The following COBL variants were observed in gnomAD, a reference collection of about 807,000 sequenced individuals.
COBL encodes the protein cordon-bleu WH2 repeat protein.
In COBL, 51 loss-of-function variants were observed where a neutral mutation model predicts 98.8. The observed-to-expected ratio is 0.52, with a 90% confidence interval of 0.41 to 0.65. The LOEUF is 0.65. Ranked by LOEUF, COBL falls within the 30% of genes least tolerant of loss-of-function variation. The pLI is 0.00. For synonymous variants in COBL, 634 were observed against 651.7 expected, an observed-to-expected ratio of 0.97 and a Z score of 0.41; for missense variants, 1,617 against 1,617.5, an observed-to-expected ratio of 1.00 and a Z score of 0.01.
chr7:51,267,482 A>T (rs902401811), intron 1 of COBL, among the ~76,000 whole-genome samples: 13 of 150,794 alleles, frequency 8.6e-5, no homozygotes, highest in African/African-American at 1.5e-4. Context: ...TTGTATTTTT[A>T]TATATATATA....
At chr7:51,060,834 G>A (rs757843081) in intron 7 of COBL, among the ~76,000 whole-genome samples, 2 of 152,104 alleles carry the variant, frequency 1.3e-5, no homozygotes, top group Non-Finnish European at 2.9e-5. Flanking sequence ...AGGCTTTTGA[G>A]TCAACAGGCG....
At chr7:51,102,444 C>T (rs1234689973) in intron 6 of COBL, among the ~76,000 whole-genome samples, 1 of 152,158 alleles carries the variant, frequency 6.6e-6, no homozygotes, top group Non-Finnish European at 1.5e-5. Context: ...CTCTCACCAC[C>T]AGACACAGCC....
chr7:51,085,080 GCCA>G (rs1794069947), intron 7 of COBL, 83 bp downstream of exon 7: 11 of 1,590,472 alleles, frequency 6.9e-6, no homozygotes, highest in Non-Finnish European at 9.4e-6. Context: ...TATGGATGAG[GCCA>G]CTGCAGGAGT....
chr7:51,225,332 T>C (rs1794080380), intron 1 of COBL, among the ~76,000 whole-genome samples: 1 of 152,222 alleles, frequency 6.6e-6, no homozygotes, highest in Admixed American at 6.5e-5. Context: ...CTCAGATGCA[T>C]GTGGCAGTTT....
At chr7:51,273,500 T>A (rs1252648039) in intron 1 of COBL, among the ~76,000 whole-genome samples, 4 of 152,148 alleles carry the variant, frequency 2.6e-5, no homozygotes, top group South Asian at 2.1e-4. Context: ...CAAACCCATA[T>A]CTGCAGTGAC....
chr7:51,122,604 A>G (rs1460681196), intron 6 of COBL, among the ~76,000 whole-genome samples: 1 of 152,254 alleles, frequency 6.6e-6, no homozygotes, highest in Admixed American at 6.5e-5. Flanking sequence ...ATGCATTAGT[A>G]TCAATTCAGT....
intron 6 of COBL, among the ~76,000 whole-genome samples, chr7:51,128,623 C>T (rs748531504): frequency 8.5e-5 from 13 of 152,340 alleles, no homozygotes; most frequent in East Asian, 5.8e-4. Context: ...GAAGCTCGGC[C>T]GCTCACTGTG....
At chr7:51,059,880 T>C (rs989818877) in intron 7 of COBL, among the ~76,000 whole-genome samples, 1 of 152,154 alleles carries the variant, frequency 6.6e-6, no homozygotes, top group Non-Finnish European at 1.5e-5. Flanking sequence ...CGTGGCCTGT[T>C]TTTTGCTAAC....
chr7:51,159,132 CCGCGCGCACCTGGCGGCCG>C (rs1301846923), intron 5 of COBL, among the ~76,000 whole-genome samples: 1 of 152,136 alleles, frequency 6.6e-6, no homozygotes, highest in Non-Finnish European at 1.5e-5. Context: ...CAGCCCCCGG[CCGCGCGCACCTGGCGGCCG>C]CGCGCGCTGC....
chr7:51,190,182 G>C (rs1208746433), intron 4 of COBL, among the ~76,000 whole-genome samples: 1 of 152,148 alleles, frequency 6.6e-6, no homozygotes, highest in Non-Finnish European at 1.5e-5. Context: ...GGGAACAGCA[G>C]TTAATGGCAA....
intron 1 of COBL, among the ~76,000 whole-genome samples, chr7:51,268,476 G>A (rs1351419742): frequency 6.6e-6 from 1 of 152,066 alleles, no homozygotes; most frequent in Non-Finnish European, 1.5e-5. Context: ...CACCCTTCCT[G>A]CAACGCAGAT....
intron 1 of COBL, among the ~76,000 whole-genome samples, chr7:51,312,046 G>A (rs564727555): frequency 2.6e-4 from 40 of 152,134 alleles, no homozygotes; most frequent in African/African-American, 8.7e-4. Context: ...GACCTCAGCC[G>A]GGGGCAGTGG....
intron 1 of COBL, 62 bp downstream of exon 1, chr7:51,316,531 A>G: frequency 8.7e-7 from 1 of 1,153,870 alleles, no homozygotes. Flanking sequence ...CGCGGTGCGG[A>G]CGCGGGCGTC....
chr7:51,267,011 G>A (rs1798275930), intron 1 of COBL, among the ~76,000 whole-genome samples: 1 of 151,954 alleles, frequency 6.6e-6, no homozygotes, highest in Non-Finnish European at 1.5e-5. Context: ...TTTCCACAGG[G>A]CTTTGCGATA....
intron 12 of COBL, 144 bp from the exon 13 acceptor site, chr7:51,017,712 G>A (rs999575466): frequency 1.1e-5 from 9 of 854,194 alleles, no homozygotes; most frequent in Non-Finnish European, 1.5e-5. Flanking sequence ...CCTGCAGAAA[G>A]GAGGCTGTGA....
At chr7:51,037,469 T>C (rs1213027832) in intron 8 of COBL, among the ~76,000 whole-genome samples, 2 of 152,196 alleles carry the variant, frequency 1.3e-5, no homozygotes, top group Non-Finnish European at 2.9e-5. Context: ...CTTTAACTAT[T>C]AGGAGCATTG....
chr7:51,078,166 G>C (rs1338250426), intron 7 of COBL, among the ~76,000 whole-genome samples: 1 of 152,166 alleles, frequency 6.6e-6, no homozygotes, highest in East Asian at 1.9e-4. Flanking sequence ...CTCATCTAAG[G>C]TCATTCCATT....
intron 1 of COBL, among the ~76,000 whole-genome samples, chr7:51,284,949 C>CTT (rs750844781): frequency 7.0e-5 from 10 of 142,822 alleles, no homozygotes; most frequent in Admixed American, 1.4e-4. Flanking sequence ...TTCCATCCAA[C>CTT]TTTTTTTTTT....
Position 51,027,843 on chromosome 7 carries a change from G to A in COBL, c.3253C>T (p.Pro1085Ser). 2 of 1,614,228 alleles carry A rather than the reference G, an allele frequency of 1.2e-6. No homozygotes were observed. Among genetic ancestry groups the A allele is most frequent in the Non-Finnish European group, 1.7e-6 (2 of 1,180,052 alleles). ...TDGNETDSIW[P>S]PSIFGPKKKF... ...TTCTTCGGCCCAAAAATGCTGGGTG[G>A]CCAAATACTGTCTGTTTCATTTCCA... The change falls in exon 10 of 13, where the codon CCA becomes TCA. Residue 1085 changes from proline (P) to serine (S), a missense_variant. Pro to Ser is a moderately conservative substitution (Grantham distance 74). Transcript: ENST00000265136.
Sources: allele counts gnomAD v4.1 joint callset (sites outside exome capture counted in the v4.1 genomes callset), GRCh38; gene constraint gnomAD v4.1.1; transcripts MANE v1.5; gene names NCBI Gene and HGNC (gene_info 2026-07-23, HGNC 2026-07-21).